LILRB2: variants seen among roughly 807,000 people sequenced by gnomAD.
The protein encoded by LILRB2 is leukocyte immunoglobulin like receptor B2, also known as leukocyte immunoglobulin-like receptor subfamily B member 2.
LILRB2 carries 47 observed loss-of-function variants against 72.7 expected under a neutral mutation model. The ratio of observed to expected loss-of-function variants is 0.65; its 90% CI spans 0.51 to 0.82. LILRB2 has a LOEUF of 0.82. LILRB2 is among the 40% of genes least tolerant of loss of function. LILRB2 has a pLI of 0.00. For synonymous variants in LILRB2, 279 were observed against 313.7 expected, an observed-to-expected ratio of 0.89 and a Z score of 1.17; for missense variants, 767 against 764.8, an observed-to-expected ratio of 1.00 and a Z score of -0.03.
rs2080310249 is a variant in LILRB2 at position 54,277,728 on chromosome 19, T to C, written c.1310-131A>G. On this transcript the variant is annotated intron_variant, in intron 8 of 13. Coordinates refer to ENST00000314446, the MANE Select transcript of LILRB2 (RefSeq NM_001080978.4). ...CCCCCCACCCCTCACCAGCCCAGCC[T>C]CAGAGCCCTGGGGACCCTGTGGCCC... The C allele has an allele frequency of 1.1e-5, 15 of 1,354,536 alleles. No homozygotes were observed. The South Asian group carries it at 2.0e-4, about 18-fold the overall frequency. The allele number at this position is 1,354,536 out of a possible 1,614,324, so 83.9% of individuals were successfully genotyped here.
At position 54,279,355 on chromosome 19, in the gene LILRB2, G is replaced by C; in HGVS notation, c.648C>G (p.Leu216=). The change falls in exon 5 of 14, where the codon CTC becomes CTG. Residue 216 remains leucine, a synonymous_variant. Transcript: ENST00000314446. ...CTGTGAATTTCTCACCTGGGACCAGGAGCTCCAGGAGATCACTGGGTGAAG... is the reference window on the plus strand; with the variant it reads ...CTGTGAATTTCTCACCTGGGACCAGCAGCTCCAGGAGATCACTGGGTGAAG... ...VWSSPSDLLE[L]LVPGVSKKPS... 6.2e-7 allele frequency: 1 copy of C among 1,611,840 alleles called. No homozygotes were observed. Among genetic ancestry groups the C allele is most frequent in the Non-Finnish European group, 8.5e-7 (1 of 1,178,330 alleles).
At position 54,274,174 on chromosome 19, in the gene LILRB2, G is replaced by A. The variant is rs2080105575; in HGVS notation, c.*509C>T. The stretch of plus-strand genomic sequence containing the variant: ...CTGTAATTAATATTTTCAAGAATGA[G>A]CTTCATTGGCTTTGTTGAATTTTCA... On this transcript the variant is annotated 3_prime_UTR_variant, in exon 14 of 14. Transcript: ENST00000314446. 1.3e-5 allele frequency: 2 copies of A among 157,482 alleles called. No homozygotes were observed. The highest frequency in any genetic ancestry group is 4.8e-5 in the African/African-American group (2 of 41,440). 9.8% of individuals were successfully genotyped at this position (157,482 alleles called of 1,614,324 possible). A position where few individuals can be genotyped will look rare whatever the true frequency, so the allele number is the denominator to read the frequency against.
chr19:54,279,742 C>G (rs1444715071), intron 4 of LILRB2, 49 bp downstream of exon 4: 2 of 1,610,360 alleles, frequency 1.2e-6, no homozygotes, highest in East Asian at 2.2e-5. Context: ...CTGAGAGCCT[C>G]CTTCCTGAGG....
chr19:54,278,616 C>A (rs2080376424), intron 6 of LILRB2, 54 bp from the exon 7 acceptor site: 2 of 1,589,392 alleles, frequency 1.3e-6, no homozygotes, highest in Non-Finnish European at 1.7e-6. Flanking sequence ...TGAGCTGAGA[C>A]CTCCCCAGGC....
intron 13 of LILRB2, chr19:54,275,607 A>C (rs2080181388): frequency 1.9e-6 from 1 of 535,284 alleles, no homozygotes; most frequent in Admixed American, 2.3e-5. Context: ...AGCCTGATCC[A>C]CAGTGAGCTC....
At chr19:54,276,737 T>C (rs1007035274) in intron 10 of LILRB2, 70 bp downstream of exon 10, 121 of 1,557,688 alleles carry the variant, frequency 7.8e-5, no homozygotes, top group Non-Finnish European at 9.0e-5. Flanking sequence ...GCCCAGTGGT[T>C]TGGATTCTCT....
Position 54,276,646 on chromosome 19 carries a change from A to C in LILRB2, c.1480+161T>G. The C allele has an allele frequency of 2.8e-6, 4 of 1,449,620 alleles. No homozygotes were observed. The South Asian group carries it at 5.4e-5, about 20-fold the overall frequency. The allele number at this position is 1,449,620 out of a possible 1,614,324, so 89.8% of individuals were successfully genotyped here. A position where few individuals can be genotyped will look rare whatever the true frequency, so the allele number is the denominator to read the frequency against. On this transcript the variant is annotated intron_variant, in intron 10 of 13. Coordinates refer to ENST00000314446, the MANE Select transcript of LILRB2 (RefSeq NM_001080978.4). ...GGACTGAGCCCGGAGGACACTTTAT[A>C]TTTGTAGATGGGACTGACGTTAAGT...
intron 9 of LILRB2, 56 bp from the exon 10 acceptor site, chr19:54,276,985 G>C: frequency 3.3e-6 from 5 of 1,519,362 alleles, no homozygotes; most frequent in Non-Finnish European, 4.5e-6. Context: ...AGCGCCTACT[G>C]TGTGCAGGTG....
In LILRB2 at chr19:54,276,282, C is replaced by G. The variant is rs527701689; in HGVS notation, c.1576G>C (p.Ala526Pro). The stretch of plus-strand genomic sequence containing the variant: ...CACTCACAGAGGTTTTCTTCCTGGG[C>G]GTCGGCAGCTGGGCTGGACCTGGGG... ...LQWRSSPAAD[A>P]QEENLYAAVK... Residue 526 changes from alanine (A) to proline (P), a missense_variant, in exon 12 of 14, where the codon GCC becomes CCC. Around this residue, in one of 3 missense-constraint regions of LILRB2, gnomAD observed 162 missense variants for 176.7 expected, o/e 0.92. Transcript: ENST00000314446. 3 of 1,614,064 alleles carry G rather than the reference C, an allele frequency of 1.9e-6. No individual in the cohort carries two copies. The highest frequency in any genetic ancestry group is 1.1e-5 in the South Asian group (1 of 91,074).
chr19:54,281,084 G>A lies in LILRB2; in HGVS notation c.-172C>T, dbSNP rs1394977180. The A allele has an allele frequency of 1.4e-5, 6 of 441,152 alleles. No homozygotes were observed. Among genetic ancestry groups the A allele is most frequent in the Non-Finnish European group, 2.7e-5 (6 of 220,372 alleles). 27.3% of individuals were successfully genotyped at this position (441,152 alleles called of 1,614,324 possible). On this transcript the variant is annotated 5_prime_UTR_variant, in exon 1 of 14. Transcript: ENST00000314446. ...CTGTGCTGTCCAGGTTGAGCTGTGT[G>A]TGGCAGTGAGCACAGAGGAGAAATG...
At chr19:54,276,529 T>G in intron 10 of LILRB2, 73 bp from the exon 11 acceptor site, 4 of 1,340,250 alleles carry the variant, frequency 3.0e-6, no homozygotes, top group Non-Finnish European at 3.0e-6. Flanking sequence ...AGCTCGAAGG[T>G]AAGGAAGGAA....
chr19:54,277,821 T>G (rs2080315633), intron 8 of LILRB2, 68 bp downstream of exon 8: 2 of 1,378,514 alleles, frequency 1.5e-6, no homozygotes, highest in Non-Finnish European at 2.0e-6. Flanking sequence ...AATGGGATCC[T>G]CCTGGACACT....
intron 8 of LILRB2, 52 bp downstream of exon 8, chr19:54,277,837 C>T: frequency 6.9e-7 from 1 of 1,447,234 alleles, no homozygotes; most frequent in Non-Finnish European, 9.5e-7. Flanking sequence ...ACACTCAAAG[C>T]TGCCCTGGGG....
chr19:54,274,205 T>C lies in LILRB2; in HGVS notation c.*478A>G, dbSNP rs183042684. 2 of 157,898 alleles carry C rather than the reference T, an allele frequency of 1.3e-5. No homozygotes were observed. The highest frequency in any genetic ancestry group is 4.8e-5 in the African/African-American group (2 of 41,622). The allele number at this position is 157,898 out of a possible 1,614,324, so 9.8% of individuals were successfully genotyped here. Reference sequence around the variant, plus strand: ...TTGGCTTTGTTGAATTTTCAAGTTTTGGTTTTTCCTCATGAGCAACTCTTC... The same window carrying C: ...TTGGCTTTGTTGAATTTTCAAGTTTCGGTTTTTCCTCATGAGCAACTCTTC... On this transcript the variant is annotated 3_prime_UTR_variant, in exon 14 of 14. Coordinates refer to ENST00000314446, the MANE Select transcript of LILRB2 (RefSeq NM_001080978.4).
At position 54,279,577 on chromosome 19, in the gene LILRB2, G is replaced by C. The variant is rs2080445546; in HGVS notation, c.426C>G (p.Leu142=). 1 of 1,614,024 alleles carries C rather than the reference G, an allele frequency of 6.2e-7. No homozygotes were observed. Among genetic ancestry groups the C allele is most frequent in the Non-Finnish European group, 8.5e-7 (1 of 1,180,010 alleles). The change falls in exon 5 of 14, where the codon CTC becomes CTG. Residue 142 remains leucine (L), a synonymous_variant. Coordinates refer to ENST00000314446, the MANE Select transcript of LILRB2 (RefSeq NM_001080978.4). ...CAAATGCCACCTGTGACTCACACTGGAGGGTCACCCTTCCTCCTGAGGTCA... is the reference window on the plus strand; with the variant it reads ...CAAATGCCACCTGTGACTCACACTGCAGGGTCACCCTTCCTCCTGAGGTCA... ...PVVTSGGRVT[L]QCESQVAFGG... is the part of the protein sequence containing the mutation.
Position 54,277,115 on chromosome 19 carries a change from C to T in LILRB2, c.1358-186G>A, listed in dbSNP as rs182896367. 62 of 1,495,446 alleles carry T rather than the reference C, an allele frequency of 4.1e-5. No homozygotes were observed. In the East Asian group the frequency reaches 5.9e-4, roughly 14 times the overall value. The allele number at this position is 1,495,446 out of a possible 1,614,324, so 92.6% of individuals were successfully genotyped here. A position where few individuals can be genotyped will look rare whatever the true frequency, so the allele number is the denominator to read the frequency against. ...GCTCAGAGAGGGGAATCGCCTGCCC[C>T]GGGCCCCCAGCCAGGAAGCGGCAGA... On this transcript the variant is annotated intron_variant, in intron 9 of 13. Coordinates refer to ENST00000314446, the MANE Select transcript of LILRB2 (RefSeq NM_001080978.4).
Position 54,279,120 on chromosome 19 carries a change from T to C in LILRB2, c.659-12A>G, listed in dbSNP as rs1165212731. On this transcript the variant is annotated splice_polypyrimidine_tract_variant and intron_variant, in intron 5 of 13. Transcript: ENST00000314446. ...CTTCTTAGAAACACCTGGGAAAAGG[T>C]GCTCATGGTTTCCAGGAGCCGACCC... 1.2e-6 allele frequency: 2 copies of C among 1,608,092 alleles called. No individual in the cohort carries two copies. The highest frequency in any genetic ancestry group is 4.5e-5 in the East Asian group (2 of 44,670).
At chr19:54,277,407 C>T (rs2080286424) in intron 9 of LILRB2, 143 bp downstream of exon 9, 1 of 1,357,364 alleles carries the variant, frequency 7.4e-7, no homozygotes, top group Non-Finnish European at 1.0e-6. Flanking sequence ...AGGCCTCTCT[C>T]CTTTACACTT....
chr19:54,278,722 C>T lies in LILRB2; in HGVS notation c.955+90G>A, dbSNP rs192988005. 307 of 1,561,730 alleles carry T rather than the reference C, an allele frequency of 2.0e-4. 4 individuals carry two copies. The East Asian group carries it at 5.8e-3, about 30-fold the overall frequency. ...GTCTCTCCCTCCCTTGGGACCACCC[C>T]CCGCCTCATCCTGGCCATCACTAAT... On this transcript the variant is annotated intron_variant, in intron 6 of 13. Coordinates refer to ENST00000314446, the MANE Select transcript of LILRB2 (RefSeq NM_001080978.4).
Sources: allele counts gnomAD v4.1 joint callset, GRCh38; gene constraint gnomAD v4.1.1; regional missense constraint gnomAD v4.1.1; transcripts MANE v1.5; gene names NCBI Gene and HGNC (gene_info 2026-07-23, HGNC 2026-07-21).